RORB: variants seen among roughly 807,000 people sequenced by gnomAD.
The protein encoded by RORB is nuclear receptor ROR-beta.
A neutral mutation model predicts 59.1 loss-of-function variants in RORB; 6 were observed. The observed-to-expected ratio is 0.10, with a 90% CI of 0.06 to 0.20. The LOEUF is 0.20. Ranked by LOEUF, RORB falls within the 10% of genes least tolerant of loss-of-function variation. The pLI, the probability that RORB is intolerant of heterozygous loss-of-function variation, is 1.00. For synonymous variants in RORB, 215 were observed against 204.5 expected (o/e 1.05, Z -0.44); for missense variants, 320 against 560.5 (o/e 0.57, Z 4.33).
At chr9:74,623,177 T>C (rs11144028) in intron 1 of RORB, among the ~76,000 whole-genome samples, 115,483 of 151,574 alleles carry the variant, frequency 0.76, 44,772 homozygotes, top group East Asian at 0.93. Flanking sequence ...GGTTTTTAAC[T>C]GTTTCAAGAA....
intron 1 of RORB, among the ~76,000 whole-genome samples, chr9:74,619,303 C>G (rs904465125): frequency 1.2e-4 from 18 of 152,206 alleles, no homozygotes; most frequent in Non-Finnish European, 2.4e-4. Flanking sequence ...TTAACATCGT[C>G]TTCTTCCAGG....
intron 1 of RORB, among the ~76,000 whole-genome samples, chr9:74,554,654 G>T (rs1467265223): frequency 6.6e-6 from 1 of 151,960 alleles, no homozygotes; most frequent in African/African-American, 2.4e-5. Flanking sequence ...CAAGCTTTCT[G>T]TTTGTTTGTT....
In RORB at chr9:74,525,142, T is replaced by C. The variant is rs937457856; in HGVS notation, c.7+27159T>C. On this transcript the variant is annotated intron_variant, in intron 1 of 9. Coordinates refer to ENST00000376896, the MANE Select transcript of RORB (RefSeq NM_006914.4). ...GATCAAGAATGACAATATTAGACTC[T>C]TGATTTTCAAAAAGCGAGCAATACT... is the stretch of plus-strand genomic sequence containing the variant. Among the ~76,000 whole-genome samples, 4 of 152,072 alleles carry C rather than the reference T, an allele frequency of 2.6e-5. No individual in the cohort carries two copies. The South Asian group carries it at 8.3e-4, about 31-fold the overall frequency.
At chr9:74,585,574 A>G (rs930614304) in intron 1 of RORB, among the ~76,000 whole-genome samples, 1 of 152,184 alleles carries the variant, frequency 6.6e-6, no homozygotes, top group Admixed American at 6.5e-5. Context: ...AAGGCAGCTG[A>G]TAGCTATAGT....
intron 1 of RORB, among the ~76,000 whole-genome samples, chr9:74,582,475 T>C (rs1273681114): frequency 6.6e-6 from 1 of 152,176 alleles, no homozygotes; most frequent in Admixed American, 6.5e-5. Flanking sequence ...AATTATTAAA[T>C]TGAAGAGAAC....
At chr9:74,541,570 A>T (rs973782245) in intron 1 of RORB, among the ~76,000 whole-genome samples, 1 of 152,118 alleles carries the variant, frequency 6.6e-6, no homozygotes, top group Non-Finnish European at 1.5e-5. Context: ...ATTTTCCTAA[A>T]CTATGTTTTG....
chr9:74,660,522 T>C, intron 4 of RORB, 95 bp from the exon 5 acceptor site: 1 of 1,091,662 alleles, frequency 9.2e-7, no homozygotes, highest in Non-Finnish European at 1.3e-6. Flanking sequence ...ACAATAGGAG[T>C]ATCTCCAAAA....
chr9:74,691,126 C>T lies in RORB; in HGVS notation c.*5508C>T, dbSNP rs1824733746. The stretch of plus-strand genomic sequence containing the variant: ...CTTTTTTCCTAAGCTGCTGAAATTC[C>T]TCCGATGTGAATGGGCCATAGTAAT... On this transcript the variant is annotated 3_prime_UTR_variant, in exon 10 of 10. Transcript: ENST00000376896. The T allele has an allele frequency of 6.6e-6, 1 of 152,196 alleles. No homozygotes were observed. Among genetic ancestry groups the T allele is most frequent in the Admixed American group, 6.5e-5 (1 of 15,270 alleles). 9.4% of individuals were successfully genotyped at this position (152,196 alleles called of 1,614,324 possible).
At chr9:74,554,870 T>C (rs1822260565) in intron 1 of RORB, among the ~76,000 whole-genome samples, 1 of 152,176 alleles carries the variant, frequency 6.6e-6, no homozygotes, top group Non-Finnish European at 1.5e-5. Flanking sequence ...AGCCAGCATC[T>C]CCTTTCTATA....
intron 1 of RORB, among the ~76,000 whole-genome samples, chr9:74,582,142 A>G (rs1246390537): frequency 6.6e-6 from 1 of 152,192 alleles, no homozygotes; most frequent in Non-Finnish European, 1.5e-5. Context: ...GTAACACTCA[A>G]AATGGCATTG....
intron 1 of RORB, among the ~76,000 whole-genome samples, chr9:74,542,981 T>C (rs1162356755): frequency 1.3e-5 from 2 of 152,222 alleles, no homozygotes; most frequent in Non-Finnish European, 2.9e-5. Flanking sequence ...AGACAGGTTA[T>C]GAAAATTAAA....
chr9:74,547,212 T>C (rs967911372), intron 1 of RORB, among the ~76,000 whole-genome samples: 3 of 152,024 alleles, frequency 2.0e-5, no homozygotes, highest in South Asian at 4.1e-4. Flanking sequence ...AGAGAGATCA[T>C]TGATGAAGCA....
intron 2 of RORB, among the ~76,000 whole-genome samples, chr9:74,634,172 T>C (rs1823664789): frequency 6.6e-6 from 1 of 151,912 alleles, no homozygotes; most frequent in Non-Finnish European, 1.5e-5. Context: ...AAGAAAACAG[T>C]AGTGCATACT....
chr9:74,620,767 A>G (rs1453738159), intron 1 of RORB, among the ~76,000 whole-genome samples: 2 of 152,182 alleles, frequency 1.3e-5, no homozygotes, highest in East Asian at 3.9e-4. Flanking sequence ...ATTGGTTTCA[A>G]AGAACATCTT....
rs576394603 is a variant in RORB at position 74,522,364 on chromosome 9, A to G, written c.7+24381A>G. ...TTTTAGATTCAAAATAACTGACATC[A>G]AAATCTTACAAGCATTAGAAAAATA... On this transcript the variant is annotated intron_variant, in intron 1 of 9. Transcript: ENST00000376896. 7.9e-5 allele frequency among the ~76,000 whole-genome samples: 12 copies of G among 151,928 alleles called. No individual in the cohort carries two copies. In the East Asian group the frequency reaches 1.9e-3, roughly 25 times the overall value.
intron 4 of RORB, among the ~76,000 whole-genome samples, chr9:74,650,936 G>T (rs1823979925): frequency 6.6e-6 from 1 of 152,152 alleles, no homozygotes; most frequent in Non-Finnish European, 1.5e-5. Context: ...GGGAGAGATT[G>T]CATCTGTTTA....
At chr9:74,550,797 C>G (rs1826595479) in intron 1 of RORB, among the ~76,000 whole-genome samples, 1 of 152,178 alleles carries the variant, frequency 6.6e-6, no homozygotes, top group Non-Finnish European at 1.5e-5. Context: ...GCATTTAGAG[C>G]TGCATTGTCC....
chr9:74,651,396 G>A (rs1430512716), intron 4 of RORB, among the ~76,000 whole-genome samples: 1 of 152,118 alleles, frequency 6.6e-6, no homozygotes, highest in Non-Finnish European at 1.5e-5. Flanking sequence ...TTATCCAGGT[G>A]TGGTGACACG....
At chr9:74,531,580 A>G (rs1826239366) in intron 1 of RORB, among the ~76,000 whole-genome samples, 1 of 152,038 alleles carries the variant, frequency 6.6e-6, no homozygotes, top group Non-Finnish European at 1.5e-5. Flanking sequence ...TCTTAGGTTC[A>G]GACATCTAAA....
Sources: gnomAD v4.1 joint callset for allele counts (sites outside exome capture counted in the v4.1 genomes callset) on GRCh38, gnomAD v4.1.1 for gene constraint, MANE v1.5 for transcripts, NCBI Gene and HGNC (gene_info 2026-07-23, HGNC 2026-07-21) for gene names.